The following GPSM2 variants were observed in gnomAD, a reference collection of about 807,000 sequenced individuals.
The protein encoded by GPSM2 is G protein-signaling modulator 2.
GPSM2 carries 58 observed loss-of-function variants against 78.4 expected under a neutral mutation model. That is an observed-to-expected ratio of 0.74 (90% confidence interval 0.60 to 0.92). The LOEUF is 0.92. GPSM2 is among the 40% of genes least tolerant of loss of function. The pLI, the probability that GPSM2 is intolerant of heterozygous loss-of-function variation, is 0.00. For synonymous variants in GPSM2, 224 were observed against 280.2 expected (o/e 0.80, Z 2.00); for missense variants, 700 against 815.5 (o/e 0.86, Z 1.73).
At chr1:108,924,914 G>A (rs544159559) in intron 14 of GPSM2, among the ~76,000 whole-genome samples, 3 of 152,300 alleles carry the variant, frequency 2.0e-5, no homozygotes, top group African/African-American at 7.2e-5. Flanking sequence ...ATGGAAGAAC[G>A]TAGAGTGGCA....
intron 2 of GPSM2, among the ~76,000 whole-genome samples, chr1:108,886,958 C>T (rs956475538): frequency 1.1e-4 from 17 of 151,474 alleles, no homozygotes; most frequent in Admixed American, 6.6e-4. Flanking sequence ...ACGAGTTTGG[C>T]TCACTGTAAC....
intron 10 of GPSM2, among the ~76,000 whole-genome samples, chr1:108,907,232 G>GT (rs1649304349): frequency 6.6e-6 from 1 of 152,154 alleles, no homozygotes; most frequent in South Asian, 2.1e-4. Context: ...TTGGCTCAAG[G>GT]TAGAAAAAAG....
Position 108,921,069 on chromosome 1 carries a change from G to A in GPSM2, c.1441-1348G>A, listed in dbSNP as rs967886840. Among the ~76,000 whole-genome samples the A allele has an allele frequency of 7.2e-5, 11 of 151,974 alleles. 1 individual carries two copies. The highest frequency in any genetic ancestry group is 3.3e-4 in the Admixed American group (5 of 15,252). On this transcript the variant is annotated intron_variant, in intron 12 of 14. Coordinates refer to ENST00000264126, the MANE Select transcript of GPSM2 (RefSeq NM_013296.5). ...ACTCTGTCCCTAAGCCAGGAACCCCGGTGTCATGCAAGATACCCTCTTTCA... is the reference window on the plus strand; with the variant it reads ...ACTCTGTCCCTAAGCCAGGAACCCCAGTGTCATGCAAGATACCCTCTTTCA...
chr1:108,920,123 C>T (rs150089340), intron 12 of GPSM2, among the ~76,000 whole-genome samples: 11,432 of 151,606 alleles, frequency 0.075, 473 homozygotes, highest in Non-Finnish European at 0.086. Flanking sequence ...GCTGAGATTG[C>T]GCCACTGCAC....
intron 10 of GPSM2, among the ~76,000 whole-genome samples, chr1:108,906,985 C>T (rs1649284204): frequency 6.6e-6 from 1 of 152,140 alleles, no homozygotes; most frequent in African/African-American, 2.4e-5. Flanking sequence ...TACGTCGTTC[C>T]TCTGTTCAAA....
chr1:108,881,239 T>G (rs1215834775), intron 1 of GPSM2, among the ~76,000 whole-genome samples: 1 of 152,238 alleles, frequency 6.6e-6, no homozygotes, highest in Non-Finnish European at 1.5e-5. Flanking sequence ...TTGAGGTTTT[T>G]GGAGCATTGC....
At chr1:108,914,185 AATT>A (rs1193202208) in intron 10 of GPSM2, among the ~76,000 whole-genome samples, 150 bp from the exon 11 acceptor site, 1 of 152,246 alleles carries the variant, frequency 6.6e-6, no homozygotes, top group African/African-American at 2.4e-5. Flanking sequence ...TGGTATAGAA[AATT>A]ATTATTCTTG....
At chr1:108,915,421 CT>C (rs1187504374) in intron 11 of GPSM2, among the ~76,000 whole-genome samples, 1 of 145,482 alleles carries the variant, frequency 6.9e-6, no homozygotes, top group African/African-American at 2.5e-5. Flanking sequence ...ATTTTTATTT[CT>C]TTTTTTTCTT....
At chr1:108,893,450 C>T (rs1648119400) in intron 2 of GPSM2, among the ~76,000 whole-genome samples, 1 of 152,044 alleles carries the variant, frequency 6.6e-6, no homozygotes, top group Non-Finnish European at 1.5e-5. Flanking sequence ...ACCCAGTACT[C>T]TATTGGTGGA....
At chr1:108,925,949 G>A (rs1460344847) in intron 14 of GPSM2, among the ~76,000 whole-genome samples, 1 of 152,068 alleles carries the variant, frequency 6.6e-6, no homozygotes, top group Non-Finnish European at 1.5e-5. Flanking sequence ...GTGTAGGTGA[G>A]AGAGGGAAAG....
At chr1:108,888,114 C>G (rs1055525533) in intron 2 of GPSM2, among the ~76,000 whole-genome samples, 2 of 151,960 alleles carry the variant, frequency 1.3e-5, no homozygotes, top group African/African-American at 4.8e-5. Flanking sequence ...CAGTGGTGTG[C>G]AATCTCAGCT....
chr1:108,921,328 G>A (rs1243955642), intron 12 of GPSM2, among the ~76,000 whole-genome samples: 8 of 151,958 alleles, frequency 5.3e-5, no homozygotes, highest in Non-Finnish European at 1.0e-4. Context: ...GCTGAGGCAG[G>A]AGAATTGCTT....
intron 10 of GPSM2, among the ~76,000 whole-genome samples, chr1:108,911,684 G>C (rs954959967): frequency 6.6e-6 from 1 of 151,598 alleles, no homozygotes; most frequent in East Asian, 1.9e-4. Context: ...AGGCCTCAAC[G>C]TACATAAAGC....
rs919909064 is a variant in GPSM2 at position 108,931,161 on chromosome 1, T to TAAAAACA, written c.*1232_*1238dup. On this transcript the variant is annotated 3_prime_UTR_variant, in exon 15 of 15. Transcript: ENST00000264126. ...AAACAAACTTTTCTAAGTTCTAATA[T>TAAAAACA]AAAAACAAAAAACAAAACCCATGTG... 1.4e-6 allele frequency: 1 copy of TAAAAACA among 704,076 alleles called. No individual in the cohort carries two copies. The highest frequency in any genetic ancestry group is 1.8e-5 in the African/African-American group (1 of 54,704). The allele number at this position is 704,076 out of a possible 1,614,324, so 43.6% of individuals were successfully genotyped here.
intron 12 of GPSM2, among the ~76,000 whole-genome samples, chr1:108,920,286 T>C (rs1349283118): frequency 6.6e-6 from 1 of 152,068 alleles, no homozygotes; most frequent in Non-Finnish European, 1.5e-5. Flanking sequence ...CTGGCCAACA[T>C]AGCGAAACCC....
At chr1:108,928,079 A>T (rs770638548) in intron 14 of GPSM2, among the ~76,000 whole-genome samples, 13 of 152,258 alleles carry the variant, frequency 8.5e-5, no homozygotes, top group Non-Finnish European at 1.5e-4. Context: ...TGGACTTCAT[A>T]ATTAAAAACT....
chr1:108,904,268 C>T lies in GPSM2; in HGVS notation c.1192+14C>T, dbSNP rs1345290026. 3 of 1,512,354 alleles carry T rather than the reference C, an allele frequency of 2.0e-6. No individual in the cohort carries two copies. In the South Asian group the frequency reaches 3.4e-5, roughly 17 times the overall value. 93.7% of individuals were successfully genotyped at this position (1,512,354 alleles called of 1,614,324 possible). A position where few individuals can be genotyped will look rare whatever the true frequency, so the allele number is the denominator to read the frequency against. On this transcript the variant is annotated intron_variant, in intron 10 of 14. Coordinates refer to ENST00000264126, the MANE Select transcript of GPSM2 (RefSeq NM_013296.5). The stretch of plus-strand genomic sequence containing the variant: ...GCAGTTTGAATGGTAAGTAATAGGA[C>T]TTTTAAAACCCAATTTTTTTATCCT...
chr1:108,879,746 C>T (rs1482488894), intron 1 of GPSM2, among the ~76,000 whole-genome samples: 4 of 151,930 alleles, frequency 2.6e-5, no homozygotes, highest in Non-Finnish European at 4.4e-5. Flanking sequence ...GGCAGGGAGG[C>T]GGAGGTTGCA....
At chr1:108,919,750 T>C (rs750392662) in intron 12 of GPSM2, among the ~76,000 whole-genome samples, 2 of 152,096 alleles carry the variant, frequency 1.3e-5, no homozygotes, top group Non-Finnish European at 2.9e-5. Context: ...ATTTAATTTA[T>C]TTAGAAATAA....
Sources: allele counts gnomAD v4.1 joint callset (sites outside exome capture counted in the v4.1 genomes callset), GRCh38; gene constraint gnomAD v4.1.1; transcripts MANE v1.5; gene names NCBI Gene and HGNC (gene_info 2026-07-23, HGNC 2026-07-21).